BMP6: variants seen among roughly 807,000 people sequenced by gnomAD.
BMP6 encodes the protein bone morphogenetic protein 6, also known as VG-1-R.
A neutral mutation model predicts 54.1 loss-of-function variants in BMP6; 17 were observed. The ratio of observed to expected loss-of-function variants is 0.31; its 90% confidence interval spans 0.22 to 0.47. The LOEUF is 0.47. BMP6 is among the 20% of genes least tolerant of loss of function. BMP6 has a pLI of 1.00. For missense variants in BMP6, 720 were observed against 690.4 expected, an observed-to-expected ratio of 1.04 and a Z score of -0.48; for synonymous variants, 328 against 291.2, an observed-to-expected ratio of 1.13 and a Z score of -1.28.
At chr6:7,736,462 A>G (rs1335534760) in intron 1 of BMP6, among the ~76,000 whole-genome samples, 2 of 152,250 alleles carry the variant, frequency 1.3e-5, no homozygotes, top group Admixed American at 1.3e-4. Flanking sequence ...CTGACAAAAT[A>G]TCGTACTGGC....
intron 1 of BMP6, among the ~76,000 whole-genome samples, chr6:7,771,937 C>T (rs1462846557): frequency 6.6e-6 from 1 of 152,008 alleles, no homozygotes; most frequent in East Asian, 1.9e-4. Flanking sequence ...CCTGTAATCC[C>T]AGCTACTTGG....
Position 7,880,556 on chromosome 6 carries a change from T to A in BMP6, c.*213T>A. 1.6e-6 allele frequency: 1 copy of A among 617,256 alleles called. No individual in the cohort carries two copies. The highest frequency in any genetic ancestry group is 2.8e-6 in the Non-Finnish European group (1 of 359,336). The allele number at this position is 617,256 out of a possible 1,614,324, so 38.2% of individuals were successfully genotyped here. On this transcript the variant is annotated 3_prime_UTR_variant, in exon 7 of 7. Coordinates refer to ENST00000283147, the MANE Select transcript of BMP6 (RefSeq NM_001718.6). ...GAGTAGTTGTTGGTCTGTAGCAAGC[T>A]GAGTTTGGATGTCTGTAGCATAAGG...
chr6:7,855,843 GT>G (rs1247370428), intron 2 of BMP6, among the ~76,000 whole-genome samples: 1 of 151,710 alleles, frequency 6.6e-6, no homozygotes, highest in Admixed American at 6.6e-5. Flanking sequence ...TAATCTCTTT[GT>G]GCCTCAGTTT....
intron 1 of BMP6, among the ~76,000 whole-genome samples, chr6:7,796,512 G>A (rs1036216628): frequency 6.6e-6 from 1 of 152,104 alleles, no homozygotes; most frequent in Admixed American, 6.5e-5. Context: ...TTAATTTTAG[G>A]CTTTGTCTTG....
intron 1 of BMP6, among the ~76,000 whole-genome samples, chr6:7,790,545 A>AAAAAAAAAAC (rs1758082183): frequency 6.9e-6 from 1 of 144,890 alleles, no homozygotes; most frequent in African/African-American, 2.5e-5. Context: ...AAAAAAAAAA[A>AAAAAAAAAAC]AGACACACAC....
rs764964764 is a variant in BMP6 at position 7,869,991 on chromosome 6, A to G, written c.1204+7493A>G. On this transcript the variant is annotated intron_variant, in intron 4 of 6. Coordinates refer to ENST00000283147, the MANE Select transcript of BMP6 (RefSeq NM_001718.6). ...CTATGGCCCCTCCACCACCACCCTC[A>G]GAACAGGACTCTCAGATGTGAAAGC... Among the ~76,000 whole-genome samples the G allele has an allele frequency of 2.0e-5, 3 of 152,152 alleles. No homozygotes were observed. In the South Asian group the frequency reaches 6.2e-4, roughly 32 times the overall value.
intron 1 of BMP6, among the ~76,000 whole-genome samples, chr6:7,827,231 C>A (rs78795220): frequency 1.3e-5 from 2 of 152,176 alleles, no homozygotes; most frequent in Admixed American, 1.3e-4. Context: ...CCCGTCGCCC[C>A]CTGTGCGGAC....
intron 1 of BMP6, among the ~76,000 whole-genome samples, chr6:7,828,998 C>T (rs542328394): frequency 1.4e-4 from 22 of 152,260 alleles, no homozygotes; most frequent in South Asian, 4.1e-4. Context: ...TCATCTGATG[C>T]GGTATAATTT....
chr6:7,861,696 G>C, intron 3 of BMP6, 97 bp downstream of exon 3: 1 of 1,512,294 alleles, frequency 6.6e-7, no homozygotes. Flanking sequence ...CAACAGGCAA[G>C]TCCTCAGCTT....
intron 4 of BMP6, among the ~76,000 whole-genome samples, chr6:7,870,053 G>T (rs1182269412): frequency 6.6e-6 from 1 of 152,122 alleles, no homozygotes; most frequent in Non-Finnish European, 1.5e-5. Context: ...CTCCATCACT[G>T]TGTCCTCCCT....
rs547857850 is a variant in BMP6 at position 7,752,574 on chromosome 6, T to C, written c.664+24955T>C. Among the ~76,000 whole-genome samples the C allele has an allele frequency of 2.6e-5, 4 of 151,858 alleles. No individual in the cohort carries two copies. In the South Asian group the frequency reaches 8.4e-4, roughly 32 times the overall value. ...TTCAACATAGGTTTTTTTTTTTTTT[T>C]TTTGCTTTTTAGAAGGAGGTCATTT... On this transcript the variant is annotated intron_variant, in intron 1 of 6. Transcript: ENST00000283147.
At position 7,839,628 on chromosome 6, in the gene BMP6, G is replaced by A. The variant is rs1581271489; in HGVS notation, c.665-5512G>A. Reference sequence around the variant, plus strand: ...GTCCTCGGGGTTCATGTGGTACCATGTGTCAGAATTTCCTTCCGTTTTAAG... The same window carrying A: ...GTCCTCGGGGTTCATGTGGTACCATATGTCAGAATTTCCTTCCGTTTTAAG... On this transcript the variant is annotated intron_variant, in intron 1 of 6. Transcript: ENST00000283147. 1.3e-5 allele frequency among the ~76,000 whole-genome samples: 2 copies of A among 152,336 alleles called. 1 individual carries two copies. Among genetic ancestry groups the A allele is most frequent in the Non-Finnish European group, 2.9e-5 (2 of 68,028 alleles).
intron 1 of BMP6, among the ~76,000 whole-genome samples, chr6:7,746,583 G>A (rs1757349907): frequency 6.6e-6 from 1 of 152,142 alleles, no homozygotes; most frequent in South Asian, 2.1e-4. Context: ...TTTGTGAATT[G>A]CACCCAAGAG....
intron 1 of BMP6, among the ~76,000 whole-genome samples, chr6:7,778,312 C>G (rs1476459702): frequency 2.6e-5 from 4 of 152,210 alleles, no homozygotes; most frequent in African/African-American, 7.2e-5. Context: ...GTACTTGTTC[C>G]AAACATCGTA....
intron 1 of BMP6, among the ~76,000 whole-genome samples, chr6:7,837,647 C>G (rs934016731): frequency 6.6e-6 from 1 of 151,974 alleles, no homozygotes; most frequent in Non-Finnish European, 1.5e-5. Context: ...CGGGGGAAGA[C>G]TGAGGGGGGC....
chr6:7,840,201 G>A (rs1758947030), intron 1 of BMP6, among the ~76,000 whole-genome samples: 1 of 152,178 alleles, frequency 6.6e-6, no homozygotes, highest in African/African-American at 2.4e-5. Flanking sequence ...AAAAGGAAAG[G>A]AAAGGAGGAG....
intron 1 of BMP6, among the ~76,000 whole-genome samples, chr6:7,803,286 T>C (rs1284777995): frequency 6.6e-6 from 1 of 152,070 alleles, no homozygotes; most frequent in Non-Finnish European, 1.5e-5. Flanking sequence ...GGCCAGATCA[T>C]TGAGAGTTTT....
At chr6:7,822,367 A>G (rs566443967) in intron 1 of BMP6, among the ~76,000 whole-genome samples, 4 of 152,332 alleles carry the variant, frequency 2.6e-5, no homozygotes, top group Admixed American at 1.3e-4. Context: ...TGGTCTGCAG[A>G]GACGGGGTGC....
intron 1 of BMP6, among the ~76,000 whole-genome samples, chr6:7,811,605 T>C: frequency 6.6e-6 from 1 of 152,194 alleles, no homozygotes; most frequent in East Asian, 1.9e-4. Flanking sequence ...CGTTCTGAAA[T>C]GGGGCCTAAG....
Sources: gnomAD v4.1 joint callset for allele counts (sites outside exome capture counted in the v4.1 genomes callset) on GRCh38, gnomAD v4.1.1 for gene constraint, MANE v1.5 for transcripts, NCBI Gene and HGNC (gene_info 2026-07-23, HGNC 2026-07-21) for gene names.